The following GOLGA8J variants were observed in gnomAD, a reference collection of about 807,000 sequenced individuals.
GOLGA8J encodes the protein golgin subfamily A member 8J.
A neutral mutation model predicts 67.7 loss-of-function variants in GOLGA8J; 19 were observed. The observed-to-expected ratio is 0.28, with a 90% CI of 0.20 to 0.41. GOLGA8J has a LOEUF of 0.41. GOLGA8J is among the 10% of genes least tolerant of loss of function. GOLGA8J has a pLI of 1.00. For synonymous variants in GOLGA8J, 69 were observed against 215.9 expected, an observed-to-expected ratio of 0.32 and a Z score of 5.97; for missense variants, 205 against 584.3, an observed-to-expected ratio of 0.35 and a Z score of 6.69.
At chr15:30,089,983 C>T in intron 12 of GOLGA8J, 27 bp downstream of exon 12, 1 of 1,489,834 alleles carries the variant, frequency 6.7e-7, no homozygotes, top group Non-Finnish European at 8.9e-7. Flanking sequence ...GGGGAGCTTG[C>T]CCTCCTCCCT....
In GOLGA8J at chr15:30,092,923, G is replaced by C. The variant is rs201419584; in HGVS notation, c.1502G>C (p.Gly501Ala). ...KTHHLLSEPG[G>A]RAKDAALGGG... ...CATCACCTTTTATCAGAACCAGGGG[G>C]CCGTGCCAAAGATGCGGCACTGGGA... The change falls in exon 17 of 19, where the codon GGC becomes GCC. Residue 501 changes from glycine (G) to alanine (A), a missense_variant. Physicochemically the swap from Gly to Ala is moderately conservative, Grantham distance 60. Transcript: ENST00000567927. The C allele has an allele frequency of 6.0e-5, 89 of 1,491,460 alleles. 1 individual carries two copies. Among genetic ancestry groups the C allele is most frequent in the Non-Finnish European group, 7.9e-5 (88 of 1,110,582 alleles). 92.4% of individuals were successfully genotyped at this position (1,491,460 alleles called of 1,614,324 possible).
At position 30,090,194 on chromosome 15, in the gene GOLGA8J, T is replaced by C. The variant is rs2057384006; in HGVS notation, c.1132-18T>C. The C allele has an allele frequency of 4.4e-6, 5 of 1,146,660 alleles. No homozygotes were observed. The East Asian group carries it at 1.3e-4, about 29-fold the overall frequency. 71.0% of individuals were successfully genotyped at this position (1,146,660 alleles called of 1,614,324 possible). ...TCCAGCTGCAGTGGGTGGCTGCTGATTGCTTCTCTCTGTCCAGAACAATGA... is the reference window on the plus strand; with the variant it reads ...TCCAGCTGCAGTGGGTGGCTGCTGACTGCTTCTCTCTGTCCAGAACAATGA... On this transcript the variant is annotated intron_variant, in intron 12 of 18. Coordinates refer to ENST00000567927, the MANE Select transcript of GOLGA8J (RefSeq NM_001282472.2).
At position 30,094,030 on chromosome 15, in the gene GOLGA8J, A is replaced by AT. The variant is rs1285405811; in HGVS notation, c.*534dup. The stretch of plus-strand genomic sequence containing the variant: ...GTAATATGCCACTATGAGTACTGAC[A>AT]TTTAGAGTTGTTTAAAGGCCAAGAA... On this transcript the variant is annotated 3_prime_UTR_variant, in exon 19 of 19. Coordinates refer to ENST00000567927, the MANE Select transcript of GOLGA8J (RefSeq NM_001282472.2). Among the ~76,000 whole-genome samples, 1 of 145,794 alleles carries AT rather than the reference A, an allele frequency of 6.9e-6. No individual in the cohort carries two copies. Among genetic ancestry groups the AT allele is most frequent in the Non-Finnish European group, 1.5e-5 (1 of 67,352 alleles).
Position 30,093,928 on chromosome 15 carries a change from A to C in GOLGA8J, c.*429A>C, listed in dbSNP as rs2057442487. ...TTTGCCTATGTTCTGCTGTTGTTTG[A>C]TCTAATCTTAATCACAGTGAGCTCT... On this transcript the variant is annotated 3_prime_UTR_variant, in exon 19 of 19. Coordinates refer to ENST00000567927, the MANE Select transcript of GOLGA8J (RefSeq NM_001282472.2). Among the ~76,000 whole-genome samples the C allele has an allele frequency of 6.9e-6, 1 of 144,508 alleles. No homozygotes were observed. The highest frequency in any genetic ancestry group is 2.2e-4 in the South Asian group (1 of 4,596). The allele number at this position is 144,508 out of a possible 152,430, so 94.8% of individuals were successfully genotyped here. A position where few individuals can be genotyped will look rare whatever the true frequency, so the allele number is the denominator to read the frequency against.
chr15:30,093,210 A>G lies in GOLGA8J; in HGVS notation c.1694A>G (p.Gln565Arg), dbSNP rs1336423981. The change falls in exon 18 of 19, where the codon CAG becomes CGG. Residue 565 changes from glutamine to arginine, a missense_variant. By Grantham distance (43) the Gln-to-Arg change is conservative. Transcript: ENST00000567927. The part of the protein sequence containing the change: ...DEPGPGAPAP[Q>R]ELGAADKHGH... Reference sequence around the variant, plus strand: ...CCCGGTCCAGGAGCCCCAGCCCCCCAGGAGCTTGGGGCTGCAGACAAGCAT... The same window carrying G: ...CCCGGTCCAGGAGCCCCAGCCCCCCGGGAGCTTGGGGCTGCAGACAAGCAT... 3.8e-6 allele frequency: 6 copies of G among 1,577,632 alleles called. 1 individual carries two copies. Among genetic ancestry groups the G allele is most frequent in the South Asian group, 2.3e-5 (2 of 88,796 alleles).
Position 30,089,855 on chromosome 15 carries a change from C to T in GOLGA8J, c.1030C>T (p.Arg344Trp), listed in dbSNP as rs1353880705. The T allele has an allele frequency of 1.5e-5, 24 of 1,549,586 alleles. 2 individuals carry two copies. Among genetic ancestry groups the T allele is most frequent in the South Asian group, 3.5e-5 (3 of 86,616 alleles). Residue 344 changes from arginine to tryptophan, a missense_variant, in exon 12 of 19, where the codon CGG (arginine) becomes TGG (tryptophan). Transcript: ENST00000567927. ...LLNQRQEERIREQEERLRKQE... is the reference protein window; with the variant it reads ...LLNQRQEERIWEQEERLRKQE... ...GAACCAGCGACAAGAAGAGAGGATT[C>T]GGGAGCAGGAAGAGAGGCTTCGGAA...
intron 1 of GOLGA8J, 93 bp from the exon 2 acceptor site, chr15:30,084,678 G>T (rs2057331362): frequency 1.9e-6 from 1 of 514,340 alleles, no homozygotes; most frequent in Non-Finnish European, 3.1e-6. Context: ...TAAATCAGAT[G>T]GTGTGTAAGT....
intron 14 of GOLGA8J, 120 bp from the exon 15 acceptor site, chr15:30,091,922 G>A (rs1477313151): frequency 1.5e-6 from 1 of 681,808 alleles, no homozygotes; most frequent in East Asian, 2.7e-5. Context: ...AAGAACAACA[G>A]CTCATTCCTC....
chr15:30,084,970 C>T (rs2057334910), intron 2 of GOLGA8J, 80 bp downstream of exon 2: 3 of 1,444,642 alleles, frequency 2.1e-6, no homozygotes, highest in Non-Finnish European at 2.7e-6. Context: ...TGTGGATGGA[C>T]TGCTGGGTAC....
At position 30,096,478 on chromosome 15, in the gene GOLGA8J, G is replaced by A. The variant is rs1409431989; in HGVS notation, c.*2979G>A. ...AAAATATGAATACTGTAGTATAAAAGAAAGAAATGGTGGGAACGAAAAGCA... is the reference window on the plus strand; with the variant it reads ...AAAATATGAATACTGTAGTATAAAAAAAAGAAATGGTGGGAACGAAAAGCA... On this transcript the variant is annotated 3_prime_UTR_variant, in exon 19 of 19. Coordinates refer to ENST00000567927, the MANE Select transcript of GOLGA8J (RefSeq NM_001282472.2). Among the ~76,000 whole-genome samples the A allele has an allele frequency of 1.4e-5, 2 of 144,374 alleles. No homozygotes were observed. Among genetic ancestry groups the A allele is most frequent in the Non-Finnish European group, 3.0e-5 (2 of 65,662 alleles). 94.7% of individuals were successfully genotyped at this position (144,374 alleles called of 152,430 possible).
Position 30,092,881 on chromosome 15 carries a change from C to T in GOLGA8J, c.1470-10C>T. On this transcript the variant is annotated splice_polypyrimidine_tract_variant and intron_variant, in intron 16 of 18. Transcript: ENST00000567927. ...AGGGGCCCCAGCGTCTGAGCCCTGT[C>T]CTCCCGCAGGAAAACCCATCACCTT... 1 of 1,402,014 alleles carries T rather than the reference C, an allele frequency of 7.1e-7. No homozygotes were observed. The highest frequency in any genetic ancestry group is 1.2e-5 in the South Asian group (1 of 86,236). 86.8% of individuals were successfully genotyped at this position (1,402,014 alleles called of 1,614,324 possible). A position where few individuals can be genotyped will look rare whatever the true frequency, so the allele number is the denominator to read the frequency against.
chr15:30,090,713 A>T (rs1257660476), intron 13 of GOLGA8J, among the ~76,000 whole-genome samples: 2 of 131,064 alleles, frequency 1.5e-5, no homozygotes, highest in Non-Finnish European at 3.1e-5. Flanking sequence ...AAAAATTAGC[A>T]GGACATTGTG....
rs4116068 is a variant in GOLGA8J at position 30,088,439 on chromosome 15, G to A, written c.592-301G>A. The A allele has an allele frequency of 3.3e-4, 157 of 479,264 alleles. No individual in the cohort carries two copies. The Middle Eastern group carries it at 4.6e-3, about 14-fold the overall frequency. The allele number at this position is 479,264 out of a possible 1,614,324, so 29.7% of individuals were successfully genotyped here. On this transcript the variant is annotated intron_variant, in intron 8 of 18. Transcript: ENST00000567927. ...GTGGTTGCGAGGATTAAATGGGATT[G>A]TTAGCACGGTACCTGGTGAAGCATT...
In GOLGA8J at chr15:30,084,814, G is replaced by C; in HGVS notation, c.92G>C (p.Gly31Ala). ...AAAAACAGCCCTAGAGTTCCAGCAG[G>C]AGCGAACAGGAACAGGAAAACAAAT... ...WQKNSPRVPA[G>A]ANRNRKTNGS... The change falls in exon 2 of 19, where the codon GGA becomes GCA. Residue 31 changes from glycine (G) to alanine (A), a missense_variant. By Grantham distance (60) the Gly-to-Ala change is moderately conservative. Coordinates refer to ENST00000567927, the MANE Select transcript of GOLGA8J (RefSeq NM_001282472.2). The C allele has an allele frequency of 7.7e-7, 1 of 1,296,364 alleles. No individual in the cohort carries two copies. The highest frequency in any genetic ancestry group is 1.0e-6 in the Non-Finnish European group (1 of 994,520). The allele number at this position is 1,296,364 out of a possible 1,614,324, so 80.3% of individuals were successfully genotyped here.
chr15:30,091,626 C>T lies in GOLGA8J; in HGVS notation c.1276+16C>T. 1 of 1,452,962 alleles carries T rather than the reference C, an allele frequency of 6.9e-7. No homozygotes were observed. Among genetic ancestry groups the T allele is most frequent in the Non-Finnish European group, 9.2e-7 (1 of 1,090,898 alleles). The allele number at this position is 1,452,962 out of a possible 1,614,324, so 90.0% of individuals were successfully genotyped here. A position where few individuals can be genotyped will look rare whatever the true frequency, so the allele number is the denominator to read the frequency against. ...CCTGGGGAAGGTACGGGAGACTGCT[C>T]AGAGGAAGAGGAGAGAGCCCCAGGA... On this transcript the variant is annotated intron_variant, in intron 14 of 18. Transcript: ENST00000567927.
Position 30,092,044 on chromosome 15 carries a change from C to G in GOLGA8J, c.1279C>G (p.His427Asp), listed in dbSNP as rs754681015. The change falls in exon 15 of 19, where the codon CAC becomes GAC. Residue 427 changes from histidine to aspartate, a missense_variant and splice_region_variant. By Grantham distance (81) the His-to-Asp change is moderately conservative. Transcript: ENST00000567927. Reference sequence around the variant, plus strand: ...ACCCGTCTGACCACCCCCCACAGGACACGGAGGAGAACATCTGGACAGTGA... The same window carrying G: ...ACCCGTCTGACCACCCCCCACAGGAGACGGAGGAGAACATCTGGACAGTGA... Reference protein sequence around the residue: ...LSLMALPGEGHGGEHLDSEGE... With the variant: ...LSLMALPGEGDGGEHLDSEGE... The G allele has an allele frequency of 1.3e-6, 2 of 1,598,498 alleles. No individual in the cohort carries two copies. Among genetic ancestry groups the G allele is most frequent in the Admixed American group, 3.4e-5 (2 of 58,566 alleles).
chr15:30,092,083 C>T lies in GOLGA8J; in HGVS notation c.1318C>T (p.Pro440Ser), dbSNP rs770412601. 8 of 1,593,956 alleles carry T rather than the reference C, an allele frequency of 5.0e-6. No homozygotes were observed. In the Admixed American group the frequency reaches 1.2e-4, roughly 24 times the overall value. Residue 440 changes from proline (P) to serine (S), a missense_variant, in exon 15 of 19, where the codon CCT becomes TCT. Coordinates refer to ENST00000567927, the MANE Select transcript of GOLGA8J (RefSeq NM_001282472.2). ...EHLDSEGEEA[P>S]RPMPSVPEDP... ...TCTGGACAGTGAGGGGGAGGAGGCA[C>T]CTCGGCCCATGCCGAGTGTCCCAGA...
At chr15:30,091,633 A>AGAG (rs2057405499) in intron 14 of GOLGA8J, 23 bp downstream of exon 14, 1 of 1,404,670 alleles carries the variant, frequency 7.1e-7, no homozygotes, top group Non-Finnish European at 9.5e-7. Flanking sequence ...GCTCAGAGGA[A>AGAG]GAGGAGAGAG....
rs1280532362 is a variant in GOLGA8J, at chr15:30,096,313, A to G, written c.*2814A>G. The stretch of plus-strand genomic sequence containing the variant: ...CAGCTCTAAAACCAAAGCTGATTTT[A>G]GAAAATTTGAAAATGTAAATCAGCC... On this transcript the variant is annotated 3_prime_UTR_variant, in exon 19 of 19. Coordinates refer to ENST00000567927, the MANE Select transcript of GOLGA8J (RefSeq NM_001282472.2). Among the ~76,000 whole-genome samples, 11 of 151,014 alleles carry G rather than the reference A, an allele frequency of 7.3e-5. No individual in the cohort carries two copies. The highest frequency in any genetic ancestry group is 1.3e-4 in the Admixed American group (2 of 15,188).
Sources: gnomAD v4.1 joint callset for allele counts (sites outside exome capture counted in the v4.1 genomes callset) on GRCh38, gnomAD v4.1.1 for gene constraint, MANE v1.5 for transcripts, NCBI Gene and HGNC (gene_info 2026-07-23, HGNC 2026-07-21) for gene names.